USP33: variants seen among roughly 807,000 people sequenced by gnomAD.
USP33 encodes ubiquitin carboxyl-terminal hydrolase 33.
Under a neutral mutation model 124.2 loss-of-function variants are expected in USP33, and 46 were observed. The observed-to-expected ratio is 0.37, with a 90% CI of 0.29 to 0.47. USP33 has a LOEUF of 0.47. USP33 is among the 20% of genes least tolerant of loss of function. The pLI is 0.99. For synonymous variants in USP33, 350 were observed against 352.3 expected (o/e 0.99, Z 0.07); for missense variants, 851 against 1,070.6 (o/e 0.79, Z 2.86).
intron 1 of USP33, among the ~76,000 whole-genome samples, chr1:77,749,753 T>C (rs1245707370): frequency 6.6e-6 from 1 of 152,168 alleles, no homozygotes; most frequent in East Asian, 1.9e-4. Flanking sequence ...AAGCTATGTA[T>C]TTTCCTCTAA....
chr1:77,728,822 A>G, intron 9 of USP33, 110 bp from the exon 10 acceptor site: 1 of 1,177,888 alleles, frequency 8.5e-7, no homozygotes, highest in Admixed American at 2.7e-5. Flanking sequence ...GTACAGCACT[A>G]TATTGAGCAA....
Position 77,739,360 on chromosome 1 carries a change from A to G in USP33, c.256T>C (p.Cys86Arg). 6.2e-7 allele frequency: 1 copy of G among 1,613,916 alleles called. No individual in the cohort carries two copies. Among genetic ancestry groups the G allele is most frequent in the Non-Finnish European group, 8.5e-7 (1 of 1,179,940 alleles). Residue 86 changes from cysteine (C) to arginine (R), a missense_variant, in exon 5 of 24, where the codon TGC (cysteine) becomes CGC (arginine). Around this residue, in one of 4 missense-constraint regions of USP33, gnomAD observed 221 missense variants for 302.9 expected, o/e 0.73. Transcript: ENST00000370794. Reference protein sequence around the residue: ...LTTLRVWCYACSKEVFLDRKL... With the variant: ...LTTLRVWCYARSKEVFLDRKL... ...CTATCCAAAAATACTTCTTTGCTGC[A>G]AGCATAACACCATACTCGAAGAGTG... is the stretch of plus-strand genomic sequence containing the variant.
In USP33 at chr1:77,741,628, G is replaced by C. The variant is rs766120482; in HGVS notation, c.70C>G (p.Gln24Glu). ...VGEITKEDLI[Q>E]KSLGTCQDCK... ...AACCTGTTTCTTACAAGGGATTTTTGTATCAAATCTTCTTTTGTTATTTCA... is the reference window on the plus strand; with the variant it reads ...AACCTGTTTCTTACAAGGGATTTTTCTATCAAATCTTCTTTTGTTATTTCA... Residue 24 changes from glutamine (Q) to glutamate (E), a missense_variant, in exon 2 of 24, where the codon CAA becomes GAA. Around this residue, in one of 4 missense-constraint regions of USP33, gnomAD observed 221 missense variants for 302.9 expected, o/e 0.73. Transcript: ENST00000370794. The C allele has an allele frequency of 6.3e-7, 1 of 1,587,196 alleles. No homozygotes were observed. The highest frequency in any genetic ancestry group is 1.4e-5 in the African/African-American group (1 of 73,610).
chr1:77,746,006 G>A (rs564747899), intron 1 of USP33, among the ~76,000 whole-genome samples: 1 of 152,264 alleles, frequency 6.6e-6, no homozygotes, highest in Non-Finnish European at 1.5e-5. Flanking sequence ...TCAGAAGCTA[G>A]CAGAAGGCAA....
intron 22 of USP33, 137 bp from the exon 23 acceptor site, chr1:77,698,068 C>CTT (rs371568762): frequency 1.3e-3 from 568 of 428,054 alleles, no homozygotes; most frequent in South Asian, 3.1e-3. Flanking sequence ...ATAGTTAATT[C>CTT]TTTTTTTTTT....
At chr1:77,704,462 C>T (rs941052310) in intron 21 of USP33, among the ~76,000 whole-genome samples, 2 of 152,172 alleles carry the variant, frequency 1.3e-5, no homozygotes, top group African/African-American at 2.4e-5. Context: ...TAAGAAGTTA[C>T]TTCCTATGTG....
rs541466088 is a variant in USP33 at position 77,721,466 on chromosome 1, A to C, written c.1658-261T>G. On this transcript the variant is annotated intron_variant, in intron 14 of 23. Coordinates refer to ENST00000370794, the MANE Select transcript of USP33 (RefSeq NM_201624.3). ...TTACTGACTGCCTGTCATATGTCCA[A>C]GCAAGGTGCTAGACACACAAAAATA... is the stretch of plus-strand genomic sequence containing the variant. 3.2e-5 allele frequency: 18 copies of C among 556,318 alleles called. No individual in the cohort carries two copies. The East Asian group carries it at 5.1e-4, about 16-fold the overall frequency. 34.5% of individuals were successfully genotyped at this position (556,318 alleles called of 1,614,324 possible). A position where few individuals can be genotyped will look rare whatever the true frequency, so the allele number is the denominator to read the frequency against.
At chr1:77,734,237 T>C in intron 7 of USP33, 110 bp downstream of exon 7, 1 of 802,606 alleles carries the variant, frequency 1.2e-6, no homozygotes, top group East Asian at 2.8e-5. Context: ...CAAACCAGAT[T>C]CTTGCCTGTT....
chr1:77,756,007 TA>T (rs1322534033), intron 1 of USP33, among the ~76,000 whole-genome samples: 1 of 152,196 alleles, frequency 6.6e-6, no homozygotes, highest in Non-Finnish European at 1.5e-5. Flanking sequence ...TCACTTTCCT[TA>T]AAAAACTAAT....
At chr1:77,738,969 A>G (rs2101539969) in intron 5 of USP33, among the ~76,000 whole-genome samples, 1 of 152,246 alleles carries the variant, frequency 6.6e-6, no homozygotes, top group Non-Finnish European at 1.5e-5. Flanking sequence ...TTGAAATCAG[A>G]CTTACCAGAA....
chr1:77,723,460 T>A lies in USP33; in HGVS notation c.1277-17A>T, dbSNP rs1334309271. 1.3e-6 allele frequency: 2 copies of A among 1,541,136 alleles called. No individual in the cohort carries two copies. Among genetic ancestry groups the A allele is most frequent in the Middle Eastern group, 1.7e-4 (1 of 5,844 alleles). ...CAGACTGAGCTAGGATTGAAAAACA[T>A]TAAAAAAAAATCAAAGCAGCTCCTT... is the stretch of plus-strand genomic sequence containing the variant. On this transcript the variant is annotated splice_polypyrimidine_tract_variant and intron_variant, in intron 11 of 23. Transcript: ENST00000370794.
chr1:77,721,601 T>G, intron 14 of USP33: 1 of 516,492 alleles, frequency 1.9e-6, no homozygotes, highest in South Asian at 2.4e-5. Flanking sequence ...CTTTAAAACA[T>G]TTCACTTATC....
chr1:77,722,558 G>A (rs993112995), intron 12 of USP33, among the ~76,000 whole-genome samples: 2 of 151,948 alleles, frequency 1.3e-5, no homozygotes, highest in African/African-American at 4.8e-5. Context: ...ACCTTTGATG[G>A]TAGTTTTAAA....
At chr1:77,734,647 A>G (rs1056401680) in intron 6 of USP33, among the ~76,000 whole-genome samples, 1 of 152,246 alleles carries the variant, frequency 6.6e-6, no homozygotes, top group African/African-American at 2.4e-5. Flanking sequence ...CACAGGAAGA[A>G]CAGTCTTTCC....
chr1:77,758,953 C>G (rs1446703587), intron 1 of USP33, among the ~76,000 whole-genome samples: 3 of 152,106 alleles, frequency 2.0e-5, no homozygotes, highest in Non-Finnish European at 4.4e-5. Flanking sequence ...TGCAAAACAC[C>G]CAGGAAAATC....
At chr1:77,730,547 T>C (rs1369132165) in intron 8 of USP33, 71 bp downstream of exon 8, 1 of 1,199,074 alleles carries the variant, frequency 8.3e-7, no homozygotes, top group Non-Finnish European at 1.1e-6. Context: ...TAAATGGACC[T>C]GCAACCTTTA....
rs548204873 is a variant in USP33, at chr1:77,740,252, A to G, written c.198+625T>C. On this transcript the variant is annotated intron_variant, in intron 4 of 23. Coordinates refer to ENST00000370794, the MANE Select transcript of USP33 (RefSeq NM_201624.3). The stretch of plus-strand genomic sequence containing the variant: ...GGCAATATGACATGAGCTGAGACTT[A>G]AAGAAGTTAGCCAGGCCATGTCATA... Among the ~76,000 whole-genome samples the G allele has an allele frequency of 4.6e-5, 7 of 152,326 alleles. No individual in the cohort carries two copies. The South Asian group carries it at 1.2e-3, about 27-fold the overall frequency.
At chr1:77,749,668 C>A (rs183605580) in intron 1 of USP33, among the ~76,000 whole-genome samples, 2 of 152,268 alleles carry the variant, frequency 1.3e-5, no homozygotes, top group East Asian at 3.9e-4. Context: ...AGGCATGAAT[C>A]ACTGCACCCA....
intron 4 of USP33, among the ~76,000 whole-genome samples, chr1:77,740,246 A>G (rs1678965302): frequency 6.6e-6 from 1 of 152,214 alleles, no homozygotes; most frequent in Non-Finnish European, 1.5e-5. Context: ...ACATGAGCTG[A>G]GACTTAAAGA....
Sources: gnomAD v4.1 joint callset for allele counts (sites outside exome capture counted in the v4.1 genomes callset) on GRCh38, gnomAD v4.1.1 for gene constraint, gnomAD v4.1.1 regional missense constraint, MANE v1.5 for transcripts, NCBI Gene and HGNC (gene_info 2026-07-23, HGNC 2026-07-21) for gene names.